The following MPP7 variants were observed in gnomAD, a reference collection of about 807,000 sequenced individuals.
The protein encoded by MPP7 is MAGUK p55 scaffold protein 7.
A neutral mutation model predicts 76.5 loss-of-function variants in MPP7; 60 were observed. The observed-to-expected ratio is 0.78, with a 90% CI of 0.64 to 0.97. The LOEUF is 0.97. Ranked by LOEUF, MPP7 falls within the 50% of genes least tolerant of loss-of-function variation. The pLI is 0.00. For synonymous variants in MPP7, 237 were observed against 244.5 expected (o/e 0.97, Z 0.29); for missense variants, 641 against 694.0 (o/e 0.92, Z 0.86).
intron 6 of MPP7, among the ~76,000 whole-genome samples, chr10:28,125,787 A>G (rs73606073): frequency 0.014 from 2,120 of 152,280 alleles, 50 homozygotes; most frequent in African/African-American, 0.046. Context: ...GTATTGGCAT[A>G]AGATTAGGAA....
intron 2 of MPP7, chr10:28,203,108 A>G (rs1342786007): frequency 2.6e-5 from 4 of 152,202 alleles, no homozygotes; most frequent in African/African-American, 9.6e-5. Flanking sequence ...ATATCAACTC[A>G]TAGCACATGT....
intron 3 of MPP7, among the ~76,000 whole-genome samples, chr10:28,164,235 A>G (rs571091826): frequency 1.3e-5 from 2 of 152,290 alleles, no homozygotes; most frequent in South Asian, 4.1e-4. Flanking sequence ...AGCAGGGTGG[A>G]GGAGAGGCCC....
intron 3 of MPP7, among the ~76,000 whole-genome samples, chr10:28,193,636 A>C (rs1448052238): frequency 6.6e-6 from 1 of 152,220 alleles, no homozygotes; most frequent in African/African-American, 2.4e-5. Flanking sequence ...ATGAAAAGAC[A>C]AACTGGGAGA....
intron 13 of MPP7, among the ~76,000 whole-genome samples, chr10:28,061,990 T>C (rs1038563633): frequency 6.6e-6 from 1 of 152,094 alleles, no homozygotes; most frequent in Non-Finnish European, 1.5e-5. Flanking sequence ...CACAGCCGAC[T>C]GTTCAAAAAA....
At position 28,302,916 on chromosome 10, in the gene MPP7, AGCCCCG is replaced by A. The variant is rs1841199694; in HGVS notation, c.-193_-188del. 6.6e-6 allele frequency among the ~76,000 whole-genome samples: 1 copy of A among 152,064 alleles called. No individual in the cohort carries two copies. The highest frequency in any genetic ancestry group is 1.5e-5 in the Non-Finnish European group (1 of 67,974). On this transcript the variant is annotated 5_prime_UTR_variant, in exon 1 of 17. Transcript: ENST00000683449. ...GAGGCGCACTCGCTCTGGCCCCTGCAGCCCCGGGCCCGGAGGCAAGGAGGCAGCGAC... is the reference window on the plus strand; with the variant it reads ...GAGGCGCACTCGCTCTGGCCCCTGCAGGCCCGGAGGCAAGGAGGCAGCGAC...
intron 1 of MPP7, among the ~76,000 whole-genome samples, chr10:28,284,359 T>A (rs1187097583): frequency 1.3e-5 from 2 of 152,162 alleles, no homozygotes; most frequent in African/African-American, 4.8e-5. Flanking sequence ...ACTCAAATCA[T>A]GAGAAGGAAT....
rs577123724 is a variant in MPP7 at position 28,288,896 on chromosome 10, T to C, written c.-132+13965A>G. On this transcript the variant is annotated intron_variant, in intron 1 of 16. Coordinates refer to ENST00000683449, the MANE Select transcript of MPP7 (RefSeq NM_001318170.2). ...AGAAAGGGCCTTATGAGCAGAATAT[T>C]TTGTATTAGGCTCGGGTGTGAGGTT... 2.0e-5 allele frequency among the ~76,000 whole-genome samples: 3 copies of C among 152,222 alleles called. 1 individual carries two copies. In the South Asian group the frequency reaches 6.2e-4, roughly 32 times the overall value.
At chr10:28,208,452 G>A (rs1828378833) in intron 2 of MPP7, among the ~76,000 whole-genome samples, 1 of 152,184 alleles carries the variant, frequency 6.6e-6, no homozygotes, top group African/African-American at 2.4e-5. Flanking sequence ...GGCAGGGTGA[G>A]GCTAGGAAGT....
intron 3 of MPP7, among the ~76,000 whole-genome samples, chr10:28,182,433 G>A (rs1837089663): frequency 6.6e-6 from 1 of 152,184 alleles, no homozygotes; most frequent in African/African-American, 2.4e-5. Context: ...CAATCCGTTA[G>A]AAAAGTAATT....
At chr10:28,268,018 A>G (rs369571054) in intron 1 of MPP7, among the ~76,000 whole-genome samples, 1 of 152,136 alleles carries the variant, frequency 6.6e-6, no homozygotes, top group African/African-American at 2.4e-5. Context: ...CAGGCTGGTG[A>G]AGTACACCCA....
At chr10:28,229,020 C>G (rs1838789813) in intron 2 of MPP7, among the ~76,000 whole-genome samples, 1 of 152,044 alleles carries the variant, frequency 6.6e-6, no homozygotes, top group South Asian at 2.1e-4. Context: ...TTAACTGGAA[C>G]ACTAGAATGA....
chr10:28,147,423 T>C, intron 5 of MPP7, 60 bp downstream of exon 5: 2 of 1,343,092 alleles, frequency 1.5e-6, no homozygotes, highest in Admixed American at 3.4e-5. Flanking sequence ...AAAATTCATC[T>C]GAAGGCTCAG....
chr10:28,100,260 T>C (rs1813871739), intron 11 of MPP7, among the ~76,000 whole-genome samples: 1 of 152,106 alleles, frequency 6.6e-6, no homozygotes, highest in African/African-American at 2.4e-5. Flanking sequence ...GCTGTTATAA[T>C]AGTGCAAATC....
intron 3 of MPP7, among the ~76,000 whole-genome samples, chr10:28,199,130 C>G (rs1200157254): frequency 6.6e-6 from 1 of 152,092 alleles, no homozygotes; most frequent in Non-Finnish European, 1.5e-5. Context: ...ACCATCAGCT[C>G]TTATGAGACT....
At chr10:28,306,261 A>C (rs1841254802), upstream of MPP7, among the ~76,000 whole-genome samples, 1 of 152,248 alleles carries the variant, frequency 6.6e-6, no homozygotes, top group African/African-American at 2.4e-5. Flanking sequence ...ATCAAAAAGT[A>C]GATTTTAAAA....
At chr10:28,057,303 C>T (rs1008171595) in intron 15 of MPP7, among the ~76,000 whole-genome samples, 1 of 152,196 alleles carries the variant, frequency 6.6e-6, no homozygotes, top group Non-Finnish European at 1.5e-5. Context: ...ATGTAATCCC[C>T]ACTGCTGTAG....
intron 3 of MPP7, among the ~76,000 whole-genome samples, chr10:28,198,231 T>C (rs1263914232): frequency 1.3e-5 from 2 of 152,112 alleles, no homozygotes; most frequent in Non-Finnish European, 2.9e-5. Context: ...TCTAACATAG[T>C]TGTGAGTTAA....
intron 3 of MPP7, among the ~76,000 whole-genome samples, chr10:28,165,279 G>A (rs1588873574): frequency 6.6e-6 from 1 of 152,282 alleles, no homozygotes; most frequent in East Asian, 1.9e-4. Context: ...TACTCCCAGA[G>A]CTTGGGAAGT....
At chr10:28,060,092 G>A (rs1851719627) in intron 13 of MPP7, among the ~76,000 whole-genome samples, 1 of 129,444 alleles carries the variant, frequency 7.7e-6, no homozygotes, top group Admixed American at 8.0e-5. Context: ...TATCTTTATT[G>A]ATCTTCATTC....
Sources: gnomAD v4.1 joint callset for allele counts (sites outside exome capture counted in the v4.1 genomes callset) on GRCh38, gnomAD v4.1.1 for gene constraint, MANE v1.5 for transcripts, NCBI Gene and HGNC (gene_info 2026-07-23, HGNC 2026-07-21) for gene names.